CFAP70: variants seen among roughly 807,000 people sequenced by gnomAD.
The protein encoded by CFAP70 is cilia- and flagella-associated protein 70.
In CFAP70, 81 loss-of-function variants were observed where a neutral mutation model predicts 137.6. The ratio of observed to expected loss-of-function variants is 0.59; its 90% CI spans 0.49 to 0.71. The LOEUF is 0.71. CFAP70 is among the 30% of genes least tolerant of loss of function. CFAP70 has a pLI of 0.00. For synonymous variants in CFAP70, 382 were observed against 423.6 expected (o/e 0.90, Z 1.20); for missense variants, 976 against 1,226.7 (o/e 0.80, Z 3.05).
At chr10:73,328,795 A>G (rs2051753596) in intron 8 of CFAP70, among the ~76,000 whole-genome samples, 1 of 151,152 alleles carries the variant, frequency 6.6e-6, no homozygotes, top group South Asian at 2.1e-4. Context: ...ATGAGATACC[A>G]TCTCACACCA....
chr10:73,335,378 C>A, intron 7 of CFAP70, 52 bp downstream of exon 8: 2 of 1,154,448 alleles, frequency 1.7e-6, no homozygotes, highest in Non-Finnish European at 2.5e-6. Context: ...AACATTTCTT[C>A]CCACCTACAA....
chr10:73,328,223 A>G (rs2051680287), intron 8 of CFAP70, among the ~76,000 whole-genome samples: 1 of 152,106 alleles, frequency 6.6e-6, no homozygotes, highest in African/African-American at 2.4e-5. Flanking sequence ...AACCTGAGAA[A>G]AACAAGCAAT....
In CFAP70 at chr10:73,275,576, T is replaced by C. The variant is rs1042186805; in HGVS notation, c.2543A>G (p.His848Arg). ...GCCTCCTTGAGGGCATAACAGCTCA[T>C]GTGCAAGCACTCTGTGCACATACTG... The change falls in exon 22 of 27, where the codon CAT becomes CGT. Residue 848 changes from histidine (H) to arginine (R), a missense_variant. By Grantham distance (29) the His-to-Arg change is conservative. Transcript: ENST00000310715. This position sits in a 1 kb window ranked among gnomAD's most constrained non-coding sequence, Gnocchi z 4.0. 2.5e-6 allele frequency: 4 copies of C among 1,607,406 alleles called. No homozygotes were observed. The highest frequency in any genetic ancestry group is 2.3e-5 in the East Asian group (1 of 44,348).
upstream of CFAP70, among the ~76,000 whole-genome samples, chr10:73,359,874 G>A (rs1292593607): frequency 2.0e-5 from 3 of 151,802 alleles, no homozygotes; most frequent in East Asian, 1.9e-4. Context: ...TCTACATTGT[G>A]AGCCTCCTGG....
intron 23 of CFAP70, 31 bp from the exon 25 acceptor site, chr10:73,273,048 TTCTAGAAGC>T: frequency 6.8e-7 from 1 of 1,476,262 alleles, no homozygotes; most frequent in Non-Finnish European, 9.3e-7. Context: ...TAAGCTACTG[TTCTAGAAGC>T]TTCAAACCCC....
chr10:73,292,712 T>C (rs2048263772), intron 16 of CFAP70, among the ~76,000 whole-genome samples: 1 of 152,220 alleles, frequency 6.6e-6, no homozygotes, highest in Non-Finnish European at 1.5e-5. Context: ...GTGCTTTATA[T>C]TCTGGATACA....
chr10:73,276,606 G>A (rs1235460221), intron 21 of CFAP70: 1 of 152,182 alleles, frequency 6.6e-6, no homozygotes, highest in East Asian at 1.9e-4. Flanking sequence ...GCCTGCCCTT[G>A]AGTAGGGCAT....
chr10:73,330,009 C>T (rs559535366), intron 8 of CFAP70, among the ~76,000 whole-genome samples: 1 of 152,224 alleles, frequency 6.6e-6, no homozygotes, highest in South Asian at 2.1e-4. Flanking sequence ...TATATTTTAA[C>T]AGCGTTTTAA....
At chr10:73,259,335 CATT>C (rs1282128177) in intron 25 of CFAP70, among the ~76,000 whole-genome samples, 1 of 152,216 alleles carries the variant, frequency 6.6e-6, no homozygotes, top group African/African-American at 2.4e-5. Context: ...TCTGCCACAT[CATT>C]ATTCTAAGTT....
chr10:73,324,669 T>C (rs559198422), intron 8 of CFAP70, among the ~76,000 whole-genome samples: 4 of 152,186 alleles, frequency 2.6e-5, no homozygotes, highest in South Asian at 4.2e-4. Flanking sequence ...AAGCCAAGGC[T>C]CGAGAACTAC....
At chr10:73,305,210 G>T (rs902133294) in intron 12 of CFAP70, among the ~76,000 whole-genome samples, 1 of 152,178 alleles carries the variant, frequency 6.6e-6, no homozygotes, top group African/African-American at 2.4e-5. Context: ...GTGCGGAAAA[G>T]CACTGAAACC....
At chr10:73,268,406 C>T (rs1261617171) in intron 25 of CFAP70, among the ~76,000 whole-genome samples, 1 of 152,178 alleles carries the variant, frequency 6.6e-6, no homozygotes, top group Non-Finnish European at 1.5e-5. Flanking sequence ...ATACATAACT[C>T]ATTTGTACTT....
chr10:73,308,637 A>G (rs1164596420), intron 12 of CFAP70, among the ~76,000 whole-genome samples: 2 of 151,870 alleles, frequency 1.3e-5, no homozygotes, highest in Non-Finnish European at 2.9e-5. Context: ...TCAAAAAAAA[A>G]AAAAAAAAGA....
chr10:73,353,774 T>C (rs1474822339), intron 2 of CFAP70, 32 bp from the exon 3 acceptor site: 2 of 1,597,522 alleles, frequency 1.3e-6, no homozygotes, highest in Admixed American at 3.6e-5. Flanking sequence ...TTTACAATTA[T>C]ATTCAAATAG....
At chr10:73,273,152 G>A (rs1319062376) in intron 23 of CFAP70, 135 bp from the exon 25 acceptor site, 10 of 720,764 alleles carry the variant, frequency 1.4e-5, no homozygotes, top group Non-Finnish European at 2.2e-5. Context: ...GTACTTTGAC[G>A]TCTACCTTAA....
At chr10:73,360,419 G>A (rs1001307114), upstream of CFAP70, among the ~76,000 whole-genome samples, 1 of 152,128 alleles carries the variant, frequency 6.6e-6, no homozygotes, top group African/African-American at 2.4e-5. Flanking sequence ...GTGCAATAAA[G>A]TGTTAACTAT....
chr10:73,294,396 A>G (rs1208767375), intron 15 of CFAP70: 1 of 152,296 alleles, frequency 6.6e-6, no homozygotes, highest in Non-Finnish European at 1.5e-5. Context: ...TCACCAGCAT[A>G]CTTTCATCTC....
intron 25 of CFAP70, among the ~76,000 whole-genome samples, chr10:73,261,697 G>T (rs569187648): frequency 3.9e-5 from 6 of 151,924 alleles, no homozygotes; most frequent in African/African-American, 1.5e-4. Context: ...ATATCAGATG[G>T]GGTTTCACCA....
At chr10:73,335,277 C>T (rs1441799035) in intron 7 of CFAP70, among the ~76,000 whole-genome samples, 153 bp downstream of exon 8, 1 of 152,038 alleles carries the variant, frequency 6.6e-6, no homozygotes, top group Admixed American at 6.5e-5. Context: ...AGCAGATGAA[C>T]ACAACATCAC....
Sources: gnomAD v4.1 joint callset for allele counts (sites outside exome capture counted in the v4.1 genomes callset) on GRCh38, gnomAD v4.1.1 for gene constraint, Gnocchi (gnomAD v3.1) non-coding constraint, MANE v1.5 for transcripts, NCBI Gene and HGNC (gene_info 2026-07-23, HGNC 2026-07-21) for gene names.